The following KCNQ1 variants were observed in gnomAD, a reference collection of about 807,000 sequenced individuals.
KCNQ1 encodes the protein potassium voltage-gated channel subfamily Q member 1.
KCNQ1 carries 49 observed loss-of-function variants against 72.4 expected under a neutral mutation model. That is an observed-to-expected ratio of 0.68 (90% CI 0.54 to 0.86). The LOEUF (loss-of-function observed/expected upper bound fraction) is 0.86. Ranked by LOEUF, KCNQ1 falls within the 40% of genes least tolerant of loss-of-function variation. The probability of loss-of-function intolerance (pLI) is 0.00; values close to 1 mark genes in which losing one functional copy is unlikely to be tolerated. For missense variants in KCNQ1, 790 were observed against 945.1 expected (o/e 0.84, Z 2.15); for synonymous variants, 450 against 412.6 (o/e 1.09, Z -1.10).
chr11:2,575,429 G>T (rs145738632), intron 6 of KCNQ1, among the ~76,000 whole-genome samples: 6 of 152,210 alleles, frequency 3.9e-5, no homozygotes, highest in Non-Finnish European at 7.4e-5. Context: ...CAGCTGTCTG[G>T]GGGGAGCGGC....
rs1847454288 is a variant in KCNQ1, at chr11:2,809,955, T to C, written c.1794+31918T>C. Among the ~76,000 whole-genome samples the C allele has an allele frequency of 6.6e-6, 1 of 152,210 alleles. No homozygotes were observed. Among genetic ancestry groups the C allele is most frequent in the Non-Finnish European group, 1.5e-5 (1 of 68,050 alleles). ...TTTTCTGGGGAAGCCTCAGGGGCCT[T>C]ACTGATAAGAACTGTGTGGAAGGTA... On this transcript the variant is annotated intron_variant, in intron 15 of 15. Coordinates refer to ENST00000155840, the MANE Select transcript of KCNQ1 (RefSeq NM_000218.3). This position sits in a 1 kb window ranked among gnomAD's most constrained non-coding sequence, Gnocchi z 7.1.
In KCNQ1 at chr11:2,768,998, C is replaced by A; in HGVS notation, c.1590+79C>A. ...CAGCTGCCCACACCTCTCCTGGGTT[C>A]TCTCCTGCCCATAGTGGAGGGTGTC... On this transcript the variant is annotated intron_variant, in intron 12 of 15. Transcript: ENST00000155840. This position sits in a 1 kb window ranked among gnomAD's most constrained non-coding sequence, Gnocchi z 6.7. 8.3e-7 allele frequency: 1 copy of A among 1,202,452 alleles called. No homozygotes were observed. The highest frequency in any genetic ancestry group is 1.2e-6 in the Non-Finnish European group (1 of 811,076). 74.5% of individuals were successfully genotyped at this position (1,202,452 alleles called of 1,614,324 possible).
chr11:2,702,078 A>T (rs927854418), intron 11 of KCNQ1, among the ~76,000 whole-genome samples: 3 of 152,102 alleles, frequency 2.0e-5, no homozygotes, highest in African/African-American at 7.2e-5. Context: ...GGCCTTCCTC[A>T]GCCTTCCTCA....
At chr11:2,587,492 AG>A in intron 8 of KCNQ1, 77 bp from the exon 9 acceptor site, 2 of 1,593,192 alleles carry the variant, frequency 1.3e-6, no homozygotes, top group Admixed American at 1.7e-5. Context: ...GGGAACAGGG[AG>A]GGGGAGCTGT....
Position 2,848,835 on chromosome 11 carries a change from G to C in KCNQ1, c.*832G>C, listed in dbSNP as rs1272387132. The C allele has an allele frequency of 2.2e-6, 1 of 454,194 alleles. No individual in the cohort carries two copies. The highest frequency in any genetic ancestry group is 2.3e-5 in the Admixed American group (1 of 42,582). The allele number at this position is 454,194 out of a possible 1,614,324, so 28.1% of individuals were successfully genotyped here. On this transcript the variant is annotated 3_prime_UTR_variant, in exon 16 of 16. Transcript: ENST00000155840. Reference sequence around the variant, plus strand: ...TTGCCAGCTGCTGAGCCGCAGAGAAGTGACGGTTCCTACACAGGACAGGGG... The same window carrying C: ...TTGCCAGCTGCTGAGCCGCAGAGAACTGACGGTTCCTACACAGGACAGGGG...
Position 2,767,361 on chromosome 11 carries a change from C to T in KCNQ1, c.1515-1483C>T, listed in dbSNP as rs1229217660. On this transcript the variant is annotated intron_variant, in intron 11 of 15. Coordinates refer to ENST00000155840, the MANE Select transcript of KCNQ1 (RefSeq NM_000218.3). The surrounding 1 kb of genome is among the most constrained non-coding windows in gnomAD (Gnocchi z 4.6). ...CATGAATTATATACCGTGTACATTCCCCAGTACTCTTTCATCAGTGAAGTC... is the reference window on the plus strand; with the variant it reads ...CATGAATTATATACCGTGTACATTCTCCAGTACTCTTTCATCAGTGAAGTC... Among the ~76,000 whole-genome samples, 1 of 152,046 alleles carries T rather than the reference C, an allele frequency of 6.6e-6. No homozygotes were observed. The highest frequency in any genetic ancestry group is 2.4e-5 in the African/African-American group (1 of 41,388).
At chr11:2,616,194 T>A in intron 10 of KCNQ1, 1 of 397,638 alleles carries the variant, frequency 2.5e-6, no homozygotes, top group Non-Finnish European at 4.4e-6. Flanking sequence ...GTTATATCGT[T>A]CCCACTTTTG....
Position 2,544,344 on chromosome 11 carries a change from ATGTATATATATG to A in KCNQ1, c.477+16354_477+16365del, listed in dbSNP as rs747807870. Among the ~76,000 whole-genome samples the A allele has an allele frequency of 2.0e-3, 289 of 145,908 alleles. No individual in the cohort carries two copies. Among genetic ancestry groups the A allele is most frequent in the African/African-American group, 4.9e-3 (191 of 39,130 alleles). On this transcript the variant is annotated intron_variant, in intron 2 of 15. Coordinates refer to ENST00000155840, the MANE Select transcript of KCNQ1 (RefSeq NM_000218.3). This position sits in a 1 kb window ranked among gnomAD's most constrained non-coding sequence, Gnocchi z 4.4. Reference sequence around the variant, plus strand: ...TCTATGTATATATATGTGTATGTATATGTATATATATGTGTATATATATGTGTATATATATGT... The same window carrying A: ...TCTATGTATATATATGTGTATGTATATGTATATATATGTGTATATATATGT...
At chr11:2,693,701 C>T (rs1259282141) in intron 11 of KCNQ1, 1 of 398,574 alleles carries the variant, frequency 2.5e-6, no homozygotes, top group African/African-American at 2.1e-5. Context: ...GCTCCAGCCT[C>T]ATGGGCCTTC....
At chr11:2,699,003 C>T in intron 11 of KCNQ1, 1 of 398,652 alleles carries the variant, frequency 2.5e-6, no homozygotes. Flanking sequence ...CTAATTCGGG[C>T]CCTGACTCAG....
At chr11:2,788,284 G>A (rs1390554457) in intron 15 of KCNQ1, among the ~76,000 whole-genome samples, 2 of 152,184 alleles carry the variant, frequency 1.3e-5, no homozygotes, top group Non-Finnish European at 2.9e-5. Context: ...GGTCCCTAAG[G>A]AATGTCCGCT....
At chr11:2,660,875 T>C in intron 10 of KCNQ1, 4 of 398,650 alleles carry the variant, frequency 1.0e-5, no homozygotes, top group Non-Finnish European at 1.8e-5. Context: ...TAAAGATGAA[T>C]ATGGCATCAT....
intron 15 of KCNQ1, among the ~76,000 whole-genome samples, chr11:2,786,447 G>A (rs1846915232): frequency 6.6e-6 from 1 of 152,044 alleles, no homozygotes; most frequent in African/African-American, 2.4e-5. Context: ...TTACTCAGTG[G>A]TTTGGTGTCT....
intron 11 of KCNQ1, chr11:2,699,597 CGG>C: frequency 2.9e-6 from 1 of 346,334 alleles, no homozygotes; most frequent in Non-Finnish European, 5.1e-6. Context: ...AACAGAACCG[CGG>C]CGAGAGGCCC....
At chr11:2,660,855 C>T in intron 10 of KCNQ1, 1 of 398,574 alleles carries the variant, frequency 2.5e-6, no homozygotes, top group Middle Eastern at 6.3e-4. Context: ...AGTATGTCAG[C>T]TTTTAAGAAT....
chr11:2,522,918 T>C (rs2283150), intron 1 of KCNQ1, among the ~76,000 whole-genome samples: 118,960 of 152,232 alleles, frequency 0.78, 46,560 homozygotes, highest in East Asian at 0.83. Flanking sequence ...GGACCACCCA[T>C]GTGCAGTCTT....
chr11:2,644,714 T>G, intron 10 of KCNQ1: 1 of 398,624 alleles, frequency 2.5e-6, no homozygotes, highest in African/African-American at 2.1e-5. Flanking sequence ...AGAGTCTTGT[T>G]CCTGAAGATA....
chr11:2,555,390 G>C (rs1290546293), intron 2 of KCNQ1, among the ~76,000 whole-genome samples: 1 of 152,210 alleles, frequency 6.6e-6, no homozygotes, highest in Non-Finnish European at 1.5e-5. Context: ...GGGTTCCCAG[G>C]CTGAAACTAA....
rs1261489132 is a variant in KCNQ1, at chr11:2,679,525, C to A, written c.1514+17444C>A. 1 of 398,450 alleles carries A rather than the reference C, an allele frequency of 2.5e-6. No individual in the cohort carries two copies. The highest frequency in any genetic ancestry group is 4.4e-5 in the Admixed American group (1 of 22,706). 24.7% of individuals were successfully genotyped at this position (398,450 alleles called of 1,614,324 possible). ...AGTGTTACTTAAATGTATTGCTATA[C>A]CTCATGATGGCCATTCCATCCATTG... On this transcript the variant is annotated intron_variant, in intron 11 of 15. Transcript: ENST00000155840. The surrounding 1 kb of genome is among the most constrained non-coding windows in gnomAD (Gnocchi z 4.8).
Sources: gnomAD v4.1 joint callset for allele counts (sites outside exome capture counted in the v4.1 genomes callset) on GRCh38, gnomAD v4.1.1 for gene constraint, Gnocchi (gnomAD v3.1) non-coding constraint, MANE v1.5 for transcripts, NCBI Gene and HGNC (gene_info 2026-07-23, HGNC 2026-07-21) for gene names.